The following TENM4 variants were observed in gnomAD, a reference collection of about 807,000 sequenced individuals.
TENM4 encodes teneurin transmembrane protein 4.
In TENM4, 82 loss-of-function variants were observed where a neutral mutation model predicts 243.3. That is an observed-to-expected ratio of 0.34 (90% CI 0.28 to 0.40). The LOEUF (loss-of-function observed/expected upper bound fraction) is 0.40. TENM4 is among the 10% of genes least tolerant of loss of function. The probability of loss-of-function intolerance (pLI) is 1.00; values close to 1 mark genes in which losing one functional copy is unlikely to be tolerated. For missense variants in TENM4, 3,138 were observed against 3,673.3 expected, an observed-to-expected ratio of 0.85 and a Z score of 3.77; for synonymous variants, 1,412 against 1,456.3, an observed-to-expected ratio of 0.97 and a Z score of 0.69.
intron 1 of TENM4, among the ~76,000 whole-genome samples, chr11:79,353,546 T>C (rs1442026482): frequency 1.3e-5 from 2 of 152,196 alleles, no homozygotes; most frequent in African/African-American, 4.8e-5. Flanking sequence ...CATGCCATCC[T>C]AGAAGTGTGA....
intron 9 of TENM4, among the ~76,000 whole-genome samples, chr11:78,872,090 C>G (rs1003224907): frequency 3.3e-5 from 5 of 152,026 alleles, no homozygotes; most frequent in Non-Finnish European, 7.4e-5. Flanking sequence ...TCTAGAAAAC[C>G]GAGGATCCAG....
chr11:78,794,722 AAGG>A (rs780302538), intron 15 of TENM4, among the ~76,000 whole-genome samples: 10 of 152,188 alleles, frequency 6.6e-5, no homozygotes, highest in Non-Finnish European at 1.5e-4. Flanking sequence ...GAAAATGTAG[AAGG>A]AGATTGAGCC....
At chr11:79,113,307 G>A (rs965512301) in intron 4 of TENM4, among the ~76,000 whole-genome samples, 4 of 151,858 alleles carry the variant, frequency 2.6e-5, no homozygotes, top group African/African-American at 9.7e-5. Context: ...CGGAGGGAAA[G>A]CATGAAGAAA....
intron 2 of TENM4, among the ~76,000 whole-genome samples, chr11:79,290,497 C>T (rs1041377341): frequency 2.6e-5 from 4 of 152,140 alleles, no homozygotes; most frequent in Non-Finnish European, 4.4e-5. Context: ...GTGTCTACCT[C>T]TGCTGCTTTC....
At chr11:78,760,514 C>G (rs1010350113) in intron 18 of TENM4, among the ~76,000 whole-genome samples, 3 of 152,212 alleles carry the variant, frequency 2.0e-5, no homozygotes, top group African/African-American at 7.2e-5. Context: ...ACAAAACTTC[C>G]CTTGGATGTC....
At chr11:78,969,522 G>A (rs560017654) in intron 6 of TENM4, among the ~76,000 whole-genome samples, 11 of 152,308 alleles carry the variant, frequency 7.2e-5, no homozygotes, top group South Asian at 6.2e-4. Flanking sequence ...TGATGAACAA[G>A]TTTATTACTC....
chr11:78,952,511 T>C (rs1036878301), intron 6 of TENM4, among the ~76,000 whole-genome samples: 1 of 152,202 alleles, frequency 6.6e-6, no homozygotes, highest in Non-Finnish European at 1.5e-5. Flanking sequence ...AGGATGCTAC[T>C]GAAGCGGTCC....
rs1011122047 is a variant in TENM4, at chr11:78,821,595, GA to G, written c.1682-7201del. Among the ~76,000 whole-genome samples, 7 of 152,350 alleles carry G rather than the reference GA, an allele frequency of 4.6e-5. 1 individual carries two copies. In the East Asian group the frequency reaches 1.3e-3, roughly 29 times the overall value. ...GTTCACATCTGGGAGCCACGTTTAA[GA>G]CACTGATGAGTTAAGCTAGAACGTG... is the stretch of plus-strand genomic sequence containing the variant. On this transcript the variant is annotated intron_variant, in intron 12 of 33. Transcript: ENST00000278550.
chr11:79,094,777 G>A (rs1188602598), intron 4 of TENM4, among the ~76,000 whole-genome samples: 1 of 152,164 alleles, frequency 6.6e-6, no homozygotes, highest in Non-Finnish European at 1.5e-5. Flanking sequence ...GACCAGTGGG[G>A]GAGGAGCTCC....
intron 4 of TENM4, among the ~76,000 whole-genome samples, chr11:79,135,728 T>C (rs933771036): frequency 7.1e-6 from 1 of 139,948 alleles, no homozygotes; most frequent in Admixed American, 7.2e-5. Context: ...ATCATACATA[T>C]ATGATATATA....
intron 32 of TENM4, among the ~76,000 whole-genome samples, chr11:78,663,275 A>C (rs2135641538): frequency 6.6e-6 from 1 of 152,376 alleles, no homozygotes; most frequent in East Asian, 1.9e-4. Context: ...AAGGCTGATT[A>C]TGGCTTCTTT....
At position 78,669,194 on chromosome 11, in the gene TENM4, G is replaced by T; in HGVS notation, c.7151C>A (p.Ala2384Asp). Reference sequence around the variant, plus strand: ...GGTATCCATGTAGATCTCCCCATAGGCTGTGTACAGGATTTGCTTGATCAT... The same window carrying T: ...GGTATCCATGTAGATCTCCCCATAGTCTGTGTACAGGATTTGCTTGATCAT... ...GLMIKQILYTAYGEIYMDTNP... is the reference protein window; with the variant it reads ...GLMIKQILYTDYGEIYMDTNP... The change falls in exon 32 of 34, where the codon GCC becomes GAC. Residue 2384 changes from alanine to aspartate, a missense_variant. This residue lies in a region of TENM4 where 2,467 missense variants were observed against 3,059.1 expected (regional missense o/e 0.81). Coordinates refer to ENST00000278550, the MANE Select transcript of TENM4 (RefSeq NM_001098816.3). The surrounding 1 kb of genome is among the most constrained non-coding windows in gnomAD (Gnocchi z 6.4). 6.2e-7 allele frequency: 1 copy of T among 1,613,882 alleles called. No individual in the cohort carries two copies. Among genetic ancestry groups the T allele is most frequent in the Non-Finnish European group, 8.5e-7 (1 of 1,179,876 alleles).
At chr11:78,972,062 C>T (rs1412805513) in intron 6 of TENM4, among the ~76,000 whole-genome samples, 3 of 152,030 alleles carry the variant, frequency 2.0e-5, no homozygotes, top group Non-Finnish European at 4.4e-5. Flanking sequence ...AATTGTTTTC[C>T]TGATTTTTTA....
rs147972953 is a variant in TENM4, at chr11:79,180,543, C to T, written c.-162-31737G>A. Among the ~76,000 whole-genome samples, 77 of 151,818 alleles carry T rather than the reference C, an allele frequency of 5.1e-4. 2 individuals are homozygous for T. The East Asian group carries it at 0.013, about 25-fold the overall frequency. On this transcript the variant is annotated intron_variant, in intron 3 of 33. Transcript: ENST00000278550. ...CATTTATACAGTGAGAACAATACCGCGCACTTGGCAAGTTTGGAGACCTTC... is the reference window on the plus strand; with the variant it reads ...CATTTATACAGTGAGAACAATACCGTGCACTTGGCAAGTTTGGAGACCTTC...
In TENM4 at chr11:78,812,113, A is replaced by C; in HGVS notation, c.1978+9T>G. 1 of 1,547,332 alleles carries C rather than the reference A, an allele frequency of 6.5e-7. No individual in the cohort carries two copies. ...GGAAGGTGCCGGAGCTGCCACCTGCAACTCTTACCTTCCTCACAGCTCTCG... is the reference window on the plus strand; with the variant it reads ...GGAAGGTGCCGGAGCTGCCACCTGCCACTCTTACCTTCCTCACAGCTCTCG... On this transcript the variant is annotated intron_variant, in intron 14 of 33. Transcript: ENST00000278550.
At chr11:79,138,866 C>CATATAAATATATAAAATATATA (rs1565219768) in intron 4 of TENM4, among the ~76,000 whole-genome samples, 1 of 93,134 alleles carries the variant, frequency 1.1e-5, no homozygotes, top group African/African-American at 4.5e-5. Flanking sequence ...CAAAATATAC[C>CATATAAATATATAAAATATATA]TTATATTTAT....
At chr11:78,820,864 C>A (rs1361054311) in intron 12 of TENM4, among the ~76,000 whole-genome samples, 1 of 152,368 alleles carries the variant, frequency 6.6e-6, no homozygotes, top group East Asian at 1.9e-4. Context: ...CAAGCAGGCT[C>A]CTGCCAACAT....
At chr11:78,946,214 C>A (rs972793890) in intron 6 of TENM4, among the ~76,000 whole-genome samples, 12 of 152,224 alleles carry the variant, frequency 7.9e-5, no homozygotes, top group African/African-American at 2.7e-4. Flanking sequence ...GCTAATGCAG[C>A]TGGTGAGTTG....
intron 2 of TENM4, among the ~76,000 whole-genome samples, chr11:79,286,739 T>G (rs1165586042): frequency 3.3e-5 from 5 of 152,190 alleles, no homozygotes; most frequent in African/African-American, 1.2e-4. Context: ...GAGGATTACA[T>G]AAGCAGATAT....
Sources: allele counts gnomAD v4.1 joint callset (sites outside exome capture counted in the v4.1 genomes callset), GRCh38; gene constraint gnomAD v4.1.1; regional missense constraint gnomAD v4.1.1; non-coding constraint Gnocchi (gnomAD v3.1); transcripts MANE v1.5; gene names NCBI Gene and HGNC (gene_info 2026-07-23, HGNC 2026-07-21).